DCC: variants seen among roughly 807,000 people sequenced by gnomAD.
DCC encodes netrin receptor DCC.
A neutral mutation model predicts 172.5 loss-of-function variants in DCC; 58 were observed. That is an observed-to-expected ratio of 0.34 (90% CI 0.27 to 0.42). DCC has a LOEUF of 0.42. DCC is among the 10% of genes least tolerant of loss of function. DCC has a pLI of 1.00. For synonymous variants in DCC, 709 were observed against 644.5 expected (o/e 1.10, Z -1.52); for missense variants, 1,740 against 1,791.0 (o/e 0.97, Z 0.51).
chr18:53,353,767 CT>C lies in DCC; in HGVS notation c.2359+13869del, dbSNP rs972042084. Among the ~76,000 whole-genome samples the C allele has an allele frequency of 1.7e-4, 26 of 151,482 alleles. No homozygotes were observed. The East Asian group carries it at 2.7e-3, about 16-fold the overall frequency. On this transcript the variant is annotated intron_variant, in intron 15 of 28. Coordinates refer to ENST00000442544, the MANE Select transcript of DCC (RefSeq NM_005215.4). ...TTCCAACAAAACTATTGCACTTGTTCTTTTTTTTTATTTTTATTATACTTTA... is the reference window on the plus strand; with the variant it reads ...TTCCAACAAAACTATTGCACTTGTTCTTTTTTTTATTTTTATTATACTTTA...
chr18:52,824,006 A>G lies in DCC; in HGVS notation c.412+71632A>G, dbSNP rs180776163. On this transcript the variant is annotated intron_variant, in intron 2 of 28. Coordinates refer to ENST00000442544, the MANE Select transcript of DCC (RefSeq NM_005215.4). Reference sequence around the variant, plus strand: ...AACAGAATAAGGAAACATGCTCGCTAAAACTGAGCATGGAGGTGAGAAAAA... The same window carrying G: ...AACAGAATAAGGAAACATGCTCGCTGAAACTGAGCATGGAGGTGAGAAAAA... Among the ~76,000 whole-genome samples the G allele has an allele frequency of 2.0e-5, 3 of 152,314 alleles. No individual in the cohort carries two copies. The East Asian group carries it at 5.8e-4, about 29-fold the overall frequency.
chr18:53,228,108 G>C lies in DCC; in HGVS notation c.1911+12511G>C, dbSNP rs892872261. ...TATCAACATGTATTTCTCTAGAGAT[G>C]CCTATATTTCAATATTTCCAAGTTG... On this transcript the variant is annotated intron_variant, in intron 12 of 28. Transcript: ENST00000442544. 2.6e-5 allele frequency among the ~76,000 whole-genome samples: 4 copies of C among 152,030 alleles called. No individual in the cohort carries two copies. The South Asian group carries it at 8.3e-4, about 31-fold the overall frequency.
chr18:53,092,786 A>G (rs2043032830), intron 7 of DCC, among the ~76,000 whole-genome samples: 1 of 152,138 alleles, frequency 6.6e-6, no homozygotes, highest in South Asian at 2.1e-4. Context: ...TTCCTTCCAT[A>G]TACCAATCCA....
chr18:52,586,152 A>G lies in DCC; in HGVS notation c.92-165902A>G, dbSNP rs182592674. Among the ~76,000 whole-genome samples the G allele has an allele frequency of 4.3e-3, 660 of 152,166 alleles. 4 individuals carry two copies. Among genetic ancestry groups the G allele is most frequent in the Non-Finnish European group, 6.7e-3 (458 of 67,992 alleles). On this transcript the variant is annotated intron_variant, in intron 1 of 28. Transcript: ENST00000442544. ...TAGCAGTCATACACATGGTAGATCA[A>G]TAAATTCTTATTGAATCAAATCTGA... is the stretch of plus-strand genomic sequence containing the variant.
chr18:52,958,211 T>C (rs993338495), intron 5 of DCC, among the ~76,000 whole-genome samples: 2 of 152,174 alleles, frequency 1.3e-5, no homozygotes, highest in Non-Finnish European at 2.9e-5. Flanking sequence ...TATTATTTTG[T>C]ATGATTTATT....
intron 1 of DCC, among the ~76,000 whole-genome samples, chr18:52,407,300 A>G (rs937335766): frequency 2.0e-5 from 3 of 152,090 alleles, no homozygotes; most frequent in African/African-American, 7.2e-5. Flanking sequence ...TGAGGTAAAT[A>G]TGAGATAGTT....
intron 2 of DCC, among the ~76,000 whole-genome samples, chr18:52,890,133 T>C (rs1435697490): frequency 2.0e-5 from 3 of 152,130 alleles, no homozygotes; most frequent in Non-Finnish European, 2.9e-5. Context: ...AAAATAGATT[T>C]GATTTGGTTT....
rs2045388813 is a variant in DCC at position 53,450,114 on chromosome 18, TA to T, written c.3230-385del. Among the ~76,000 whole-genome samples, 7 of 84,996 alleles carry T rather than the reference TA, an allele frequency of 8.2e-5. No homozygotes were observed. The Admixed American group carries it at 8.6e-4, about 10-fold the overall frequency. 55.8% of individuals were successfully genotyped at this position (84,996 alleles called of 152,430 possible). The stretch of plus-strand genomic sequence containing the variant: ...TTTATGCCTGGGTAATATTCCATCA[TA>T]GGGGGATATATATATATATATATAT... On this transcript the variant is annotated intron_variant, in intron 22 of 28. Coordinates refer to ENST00000442544, the MANE Select transcript of DCC (RefSeq NM_005215.4).
chr18:53,026,755 G>C (rs2143942179), intron 5 of DCC, among the ~76,000 whole-genome samples: 1 of 151,980 alleles, frequency 6.6e-6, no homozygotes, highest in Non-Finnish European at 1.5e-5. Flanking sequence ...TATAGAAACA[G>C]TCTTACTATG....
intron 15 of DCC, among the ~76,000 whole-genome samples, chr18:53,348,333 C>G (rs576364894): frequency 3.9e-5 from 6 of 152,324 alleles, no homozygotes; most frequent in African/African-American, 1.2e-4. Context: ...TCCTTTGACT[C>G]CATGTCTCAT....
intron 5 of DCC, among the ~76,000 whole-genome samples, chr18:52,950,929 C>CAAAACAAAAAAAAAA (rs2040634205): frequency 1.7e-5 from 1 of 57,408 alleles, no homozygotes; most frequent in Non-Finnish European, 3.1e-5. Flanking sequence ...GACTCCGTCT[C>CAAAACAAAAAAAAAA]AAAAAAAAAA....
chr18:52,602,557 G>T (rs2034038970), intron 1 of DCC, among the ~76,000 whole-genome samples: 1 of 151,850 alleles, frequency 6.6e-6, no homozygotes, highest in African/African-American at 2.4e-5. Flanking sequence ...AATAAATTTT[G>T]TGCATAATAT....
At chr18:52,801,400 A>G (rs1438301754) in intron 2 of DCC, among the ~76,000 whole-genome samples, 1 of 152,182 alleles carries the variant, frequency 6.6e-6, no homozygotes, top group Non-Finnish European at 1.5e-5. Flanking sequence ...GATTAACTCA[A>G]TTTTCACAAT....
rs535668377 is a variant in DCC, at chr18:52,488,157, G to T, written c.91+147279G>T. On this transcript the variant is annotated intron_variant, in intron 1 of 28. Coordinates refer to ENST00000442544, the MANE Select transcript of DCC (RefSeq NM_005215.4). Reference sequence around the variant, plus strand: ...TTTTGTGTTTATTCTTGGTTGGTTCGTTCCACCACTGTTTTGTTTTCCCAG... The same window carrying T: ...TTTTGTGTTTATTCTTGGTTGGTTCTTTCCACCACTGTTTTGTTTTCCCAG... 7.2e-5 allele frequency among the ~76,000 whole-genome samples: 11 copies of T among 152,180 alleles called. No homozygotes were observed. In the East Asian group the frequency reaches 2.1e-3, roughly 29 times the overall value.
At chr18:53,116,121 A>C (rs897106572) in intron 7 of DCC, among the ~76,000 whole-genome samples, 2 of 151,718 alleles carry the variant, frequency 1.3e-5, no homozygotes. Flanking sequence ...CCAGATTTGC[A>C]ACACATGATG....
intron 2 of DCC, among the ~76,000 whole-genome samples, chr18:52,862,849 T>C (rs2039165267): frequency 6.6e-6 from 1 of 151,474 alleles, no homozygotes; most frequent in South Asian, 2.1e-4. Flanking sequence ...AGTTCTTCCC[T>C]CTCTTTTATT....
chr18:53,098,780 G>T (rs1377850560), intron 7 of DCC, among the ~76,000 whole-genome samples: 4 of 152,128 alleles, frequency 2.6e-5, no homozygotes, highest in African/African-American at 9.7e-5. Flanking sequence ...GCTATGGCAT[G>T]AGAATTGTTT....
intron 23 of DCC, among the ~76,000 whole-genome samples, chr18:53,451,103 A>G (rs899927873): frequency 1.7e-4 from 26 of 152,184 alleles, no homozygotes; most frequent in African/African-American, 6.0e-4. Context: ...TGGAGAGATG[A>G]CTAAATATAG....
intron 2 of DCC, among the ~76,000 whole-genome samples, chr18:52,779,823 C>G (rs1263972754): frequency 6.6e-6 from 1 of 152,158 alleles, no homozygotes; most frequent in Non-Finnish European, 1.5e-5. Flanking sequence ...CTGTTGCTTC[C>G]TGGCTTCTTA....
Sources: allele counts gnomAD v4.1 joint callset (sites outside exome capture counted in the v4.1 genomes callset), GRCh38; gene constraint gnomAD v4.1.1; transcripts MANE v1.5; gene names NCBI Gene and HGNC (gene_info 2026-07-23, HGNC 2026-07-21).